The following IGSF11 variants were observed in gnomAD, a reference collection of about 807,000 sequenced individuals.
IGSF11 encodes immunoglobulin superfamily member 11.
A neutral mutation model predicts 41.0 loss-of-function variants in IGSF11; 22 were observed. That is an observed-to-expected ratio of 0.54 (90% CI 0.38 to 0.77). The LOEUF is 0.77. Among genes scored for constraint, IGSF11 ranks in the 30% least tolerant of loss-of-function variants. The pLI is 0.00. For synonymous variants in IGSF11, 219 were observed against 201.3 expected (o/e 1.09, Z -0.74); for missense variants, 444 against 530.8 (o/e 0.84, Z 1.61).
At chr3:119,059,179 T>TCACACACACACA (rs144416307) in intron 1 of IGSF11, among the ~76,000 whole-genome samples, 151 of 147,946 alleles carry the variant, frequency 1.0e-3, no homozygotes, top group Middle Eastern at 6.8e-3. Context: ...TATACACAGA[T>TCACACACACACA]CACACACACA....
chr3:119,121,431 T>C (rs866886263), intron 1 of IGSF11, among the ~76,000 whole-genome samples: 3 of 152,074 alleles, frequency 2.0e-5, no homozygotes, highest in Middle Eastern at 6.8e-3. Context: ...AATGAAAAAT[T>C]TATTATAGTG....
intron 1 of IGSF11, among the ~76,000 whole-genome samples, chr3:119,062,135 A>G (rs1000233084): frequency 6.6e-6 from 1 of 152,154 alleles, no homozygotes; most frequent in Admixed American, 6.6e-5. Flanking sequence ...TCAGCCTGGC[A>G]AGTCTGATTA....
chr3:118,915,269 G>A (rs1232176038), intron 4 of IGSF11, among the ~76,000 whole-genome samples: 3 of 140,518 alleles, frequency 2.1e-5, no homozygotes, highest in Non-Finnish European at 4.5e-5. Flanking sequence ...AGATTTTGAC[G>A]AGCTGAGAGA....
At chr3:118,912,159 A>T (rs1342270227) in intron 4 of IGSF11, among the ~76,000 whole-genome samples, 2 of 152,258 alleles carry the variant, frequency 1.3e-5, no homozygotes, top group Non-Finnish European at 2.9e-5. Context: ...ATAATTTTTA[A>T]AAACACATTT....
intron 1 of IGSF11, among the ~76,000 whole-genome samples, chr3:119,005,976 C>G (rs1005274298): frequency 3.0e-5 from 4 of 132,822 alleles, no homozygotes; most frequent in African/African-American, 1.3e-4. Flanking sequence ...ATCTTTGTGG[C>G]GTTCTCTGTA....
intron 4 of IGSF11, among the ~76,000 whole-genome samples, chr3:118,924,470 AT>A (rs1942112587): frequency 6.6e-6 from 1 of 152,170 alleles, no homozygotes; most frequent in Non-Finnish European, 1.5e-5. Context: ...TAGATTAAAA[AT>A]ATTACCATTT....
At position 118,928,714 on chromosome 3, in the gene IGSF11, G is replaced by A. The variant is rs755645268; in HGVS notation, c.219C>T (p.Val73=). ...ACATCTGTCCACCCTGATACAGGAT[G>A]ACCTGGAAAAGAAAGCAAAATAAAT... ...PLSNANQPEQ[V]ILYQGGQMFD... is the part of the protein sequence containing the mutation. Residue 73 remains valine, a splice_region_variant and synonymous_variant, in exon 3 of 7, where the codon GTC becomes GTT. Coordinates refer to ENST00000393775, the MANE Select transcript of IGSF11 (RefSeq NM_001015887.3). 1 of 1,612,378 alleles carries A rather than the reference G, an allele frequency of 6.2e-7. No homozygotes were observed. Among genetic ancestry groups the A allele is most frequent in the South Asian group, 1.1e-5 (1 of 90,914 alleles).
At chr3:119,118,174 T>C (rs1034060094) in intron 1 of IGSF11, among the ~76,000 whole-genome samples, 10 of 152,216 alleles carry the variant, frequency 6.6e-5, no homozygotes, top group Non-Finnish European at 1.5e-4. Flanking sequence ...CAGTAGGGAC[T>C]CTGTGTGGAG....
intron 1 of IGSF11, among the ~76,000 whole-genome samples, chr3:118,957,450 T>C (rs1290843644): frequency 6.6e-6 from 1 of 152,228 alleles, no homozygotes; most frequent in East Asian, 1.9e-4. Flanking sequence ...TTTCCTCTCA[T>C]GTGAGTTCTG....
chr3:118,910,104 TCTG>T (rs1341994954), intron 4 of IGSF11, among the ~76,000 whole-genome samples: 1 of 152,246 alleles, frequency 6.6e-6, no homozygotes, highest in Non-Finnish European at 1.5e-5. Flanking sequence ...TTCTGTTGAC[TCTG>T]CTTTTAGGTT....
chr3:119,012,264 G>A (rs1473640589), intron 1 of IGSF11, among the ~76,000 whole-genome samples: 1 of 152,076 alleles, frequency 6.6e-6, no homozygotes, highest in Non-Finnish European at 1.5e-5. Flanking sequence ...AGTCTCTCAA[G>A]GCAAATTCAG....
chr3:119,061,638 T>C (rs1942054454), intron 1 of IGSF11, among the ~76,000 whole-genome samples: 1 of 152,222 alleles, frequency 6.6e-6, no homozygotes, highest in African/African-American at 2.4e-5. Context: ...TCTTTCTCCC[T>C]GAAATTACTT....
chr3:118,902,589 T>G lies in IGSF11; in HGVS notation c.1227A>C (p.Ala409=). ...GTACTGCACCAATTCGTTCCAGTGT[T>G]GCGTGGCTGATGGTGTAGGAATGAG... ...PHTHSYTISH[A]TLERIGAVPV... is the part of the protein sequence containing the mutation. The change falls in exon 7 of 7, where the codon GCA becomes GCC. Residue 409 remains alanine (A), a synonymous_variant. Coordinates refer to ENST00000393775, the MANE Select transcript of IGSF11 (RefSeq NM_001015887.3). 1 of 1,614,088 alleles carries G rather than the reference T, an allele frequency of 6.2e-7. No homozygotes were observed. The highest frequency in any genetic ancestry group is 8.5e-7 in the Non-Finnish European group (1 of 1,179,974).
intron 1 of IGSF11, among the ~76,000 whole-genome samples, chr3:119,028,266 GGA>G (rs1275428825): frequency 6.6e-6 from 1 of 152,132 alleles, no homozygotes; most frequent in East Asian, 1.9e-4. Flanking sequence ...GACTTCAGGA[GGA>G]GAGAAGGGAA....
intron 1 of IGSF11, among the ~76,000 whole-genome samples, chr3:119,129,317 C>G (rs533058551): frequency 7.2e-5 from 11 of 152,168 alleles, no homozygotes; most frequent in Admixed American, 3.9e-4. Flanking sequence ...AATAAATCAT[C>G]TAAAGGTATA....
At position 118,901,688 on chromosome 3, in the gene IGSF11, C is replaced by A. The variant is rs989736973; in HGVS notation, c.*832G>T. On this transcript the variant is annotated 3_prime_UTR_variant, in exon 7 of 7. Coordinates refer to ENST00000393775, the MANE Select transcript of IGSF11 (RefSeq NM_001015887.3). The stretch of plus-strand genomic sequence containing the variant: ...ACCTCTATGAGCTCACTAAATACAA[C>A]CATTGAACAAGGTATTATACAACAG... 15 of 151,570 alleles carry A rather than the reference C, an allele frequency of 9.9e-5. No individual in the cohort carries two copies. Among genetic ancestry groups the A allele is most frequent in the Admixed American group, 9.9e-4 (15 of 15,210 alleles). 9.4% of individuals were successfully genotyped at this position (151,570 alleles called of 1,614,324 possible).
At chr3:119,014,139 T>G (rs1938429175) in intron 1 of IGSF11, among the ~76,000 whole-genome samples, 1 of 152,204 alleles carries the variant, frequency 6.6e-6, no homozygotes, top group Admixed American at 6.5e-5. Flanking sequence ...TAATTTACAT[T>G]TTTTTAAAGC....
At chr3:119,094,903 C>T (rs2076825069) in intron 1 of IGSF11, among the ~76,000 whole-genome samples, 2 of 152,006 alleles carry the variant, frequency 1.3e-5, no homozygotes. Context: ...AACACCTGAC[C>T]TCAGATGATC....
intron 1 of IGSF11, chr3:119,105,033 T>C: frequency 3.2e-6 from 2 of 618,560 alleles, no homozygotes; most frequent in Non-Finnish European, 2.9e-6. Context: ...TTTTTAGTAG[T>C]AGGAGAATAT....
Sources: allele counts gnomAD v4.1 joint callset (sites outside exome capture counted in the v4.1 genomes callset), GRCh38; gene constraint gnomAD v4.1.1; transcripts MANE v1.5; gene names NCBI Gene and HGNC (gene_info 2026-07-23, HGNC 2026-07-21).